Variants in INTU observed in about 807,000 individuals in gnomAD.
INTU encodes the protein inturned planar cell polarity protein.
Under a neutral mutation model 100.5 loss-of-function variants are expected in INTU, and 68 were observed. The observed-to-expected ratio is 0.68, with a 90% CI of 0.56 to 0.83. The LOEUF (loss-of-function observed/expected upper bound fraction) is 0.83. Among genes scored for constraint, INTU ranks in the 40% least tolerant of loss-of-function variants. The pLI is 0.00. For missense variants in INTU, 1,071 were observed against 1,114.7 expected (o/e 0.96, Z 0.56); for synonymous variants, 357 against 395.7 (o/e 0.90, Z 1.16).
At chr4:127,710,405 T>C (rs1177314752) in intron 13 of INTU, among the ~76,000 whole-genome samples, 1 of 152,092 alleles carries the variant, frequency 6.6e-6, no homozygotes, top group African/African-American at 2.4e-5. Context: ...TCCTACCCAT[T>C]CTGCATTCCA....
chr4:127,688,843 C>T (rs1219705971), intron 8 of INTU, among the ~76,000 whole-genome samples: 1 of 151,972 alleles, frequency 6.6e-6, no homozygotes, highest in African/African-American at 2.4e-5. Flanking sequence ...GGTGTTAGAG[C>T]ATGTTCAAAA....
chr4:127,708,928 T>G (rs1730989366), intron 13 of INTU, among the ~76,000 whole-genome samples: 1 of 152,176 alleles, frequency 6.6e-6, no homozygotes, highest in Non-Finnish European at 1.5e-5. Context: ...GTAACCTCCC[T>G]TTTGTATATT....
intron 2 of INTU, among the ~76,000 whole-genome samples, chr4:127,649,503 C>T (rs1727736720): frequency 6.6e-6 from 1 of 151,502 alleles, no homozygotes; most frequent in African/African-American, 2.4e-5. Flanking sequence ...ACCAGAAGTG[C>T]TTCCAATTTT....
In INTU at chr4:127,724,090, G is replaced by A. The variant is rs1213908627; in HGVS notation, c.*7654G>A. The A allele has an allele frequency of 6.6e-6, 1 of 151,938 alleles. No homozygotes were observed. Among genetic ancestry groups the A allele is most frequent in the Non-Finnish European group, 1.5e-5 (1 of 67,994 alleles). 9.4% of individuals were successfully genotyped at this position (151,938 alleles called of 1,614,324 possible). A position where few individuals can be genotyped will look rare whatever the true frequency, so the allele number is the denominator to read the frequency against. On this transcript the variant is annotated 3_prime_UTR_variant, in exon 16 of 16. Transcript: ENST00000335251. The stretch of plus-strand genomic sequence containing the variant: ...AAATCATGTTAAAGACACTGAAAAA[G>A]TTAACTAAAATTCTATGGTGACTTC...
chr4:127,698,046 G>A (rs1054093968), intron 8 of INTU, among the ~76,000 whole-genome samples: 1 of 152,190 alleles, frequency 6.6e-6, no homozygotes, highest in Non-Finnish European at 1.5e-5. Flanking sequence ...CTTGAACCTG[G>A]GAGGCGGAGG....
rs78533643 is a variant in INTU at position 127,697,355 on chromosome 4, G to T, written c.1450-2655G>T. On this transcript the variant is annotated intron_variant, in intron 8 of 15. Transcript: ENST00000335251. ...CCATCCCCAGGCAATCATTTGCATA[G>T]TTTTCATTTCTGTAAGCTTACCTGT... Among the ~76,000 whole-genome samples the T allele has an allele frequency of 5.2e-3, 785 of 152,034 alleles. 9 individuals carry two copies. Among genetic ancestry groups the T allele is most frequent in the African/African-American group, 0.018 (756 of 41,468 alleles).
At chr4:127,687,608 C>G in intron 7 of INTU, 70 bp from the exon 8 acceptor site, 1 of 1,233,012 alleles carries the variant, frequency 8.1e-7, no homozygotes, top group Non-Finnish European at 1.2e-6. Context: ...GATCCAGTTC[C>G]CTTAGGAGCA....
chr4:127,639,792 T>C (rs908196082), intron 1 of INTU, among the ~76,000 whole-genome samples: 1 of 152,162 alleles, frequency 6.6e-6, no homozygotes, highest in African/African-American at 2.4e-5. Context: ...TCCTCTGTTC[T>C]AGTAATTTTG....
intron 6 of INTU, among the ~76,000 whole-genome samples, chr4:127,676,315 G>C (rs747857747): frequency 6.6e-6 from 1 of 152,164 alleles, no homozygotes; most frequent in East Asian, 1.9e-4. Context: ...CAGCCAGGCA[G>C]TGGCTCACAC....
At chr4:127,654,433 C>T (rs1333859094) in intron 2 of INTU, among the ~76,000 whole-genome samples, 1 of 152,154 alleles carries the variant, frequency 6.6e-6, no homozygotes, top group Non-Finnish European at 1.5e-5. Flanking sequence ...GACAAAATCT[C>T]TCAGCATTTG....
chr4:127,685,337 A>G, intron 7 of INTU: 1 of 391,318 alleles, frequency 2.6e-6, no homozygotes, highest in South Asian at 2.0e-5. Flanking sequence ...CCTTAGGAGT[A>G]TATCAGTACA....
intron 13 of INTU, 52 bp from the exon 14 acceptor site, chr4:127,710,861 A>G: frequency 3.4e-6 from 4 of 1,171,036 alleles, no homozygotes; most frequent in Non-Finnish European, 4.6e-6. Context: ...CCAATATTTT[A>G]AAATTTACTA....
intron 7 of INTU, chr4:127,685,620 A>G: frequency 3.3e-6 from 1 of 301,814 alleles, no homozygotes; most frequent in South Asian, 2.9e-5. Context: ...ACCTTTTACT[A>G]GTAAGGAAAG....
At chr4:127,655,884 GC>G (rs1256467798) in intron 2 of INTU, among the ~76,000 whole-genome samples, 4 of 152,218 alleles carry the variant, frequency 2.6e-5, no homozygotes, top group Admixed American at 2.6e-4. Flanking sequence ...GACTCCGTGG[GC>G]GTAGGACCCT....
intron 6 of INTU, 125 bp from the exon 7 acceptor site, chr4:127,684,284 T>C (rs1729713935): frequency 1.2e-5 from 7 of 605,972 alleles, no homozygotes; most frequent in Middle Eastern, 4.3e-4. Context: ...TGTACAGCTT[T>C]ACTCAGAGTT....
rs569951332 is a variant in INTU at position 127,679,046 on chromosome 4, G to T, written c.1181+4833G>T. On this transcript the variant is annotated intron_variant, in intron 6 of 15. Coordinates refer to ENST00000335251, the MANE Select transcript of INTU (RefSeq NM_015693.4). ...GGTAAAGGGATCAATTCAACAAGAA[G>T]AGCTAACTATCCTAAATATATATGC... 1.7e-3 allele frequency among the ~76,000 whole-genome samples: 262 copies of T among 152,124 alleles called. 1 individual carries two copies. Among genetic ancestry groups the T allele is most frequent in the African/African-American group, 5.8e-3 (242 of 41,500 alleles).
intron 2 of INTU, 120 bp from the exon 3 acceptor site, chr4:127,656,516 T>C (rs1432490116): frequency 6.1e-6 from 4 of 656,778 alleles, no homozygotes; most frequent in Non-Finnish European, 1.1e-5. Context: ...CCTGCTTGTC[T>C]GCACCAGATT....
chr4:127,662,767 A>G (rs893871018), intron 3 of INTU, among the ~76,000 whole-genome samples: 1 of 152,184 alleles, frequency 6.6e-6, no homozygotes, highest in African/African-American at 2.4e-5. Context: ...ACATCAGGCC[A>G]TGAAATTAAA....
intron 10 of INTU, among the ~76,000 whole-genome samples, chr4:127,705,194 T>A (rs1470577887): frequency 6.6e-6 from 1 of 152,222 alleles, no homozygotes; most frequent in African/African-American, 2.4e-5. Context: ...CTTTTATTTT[T>A]AAAAAAGGAT....
Sources: gnomAD v4.1 joint callset for allele counts (sites outside exome capture counted in the v4.1 genomes callset) on GRCh38, gnomAD v4.1.1 for gene constraint, MANE v1.5 for transcripts, NCBI Gene and HGNC (gene_info 2026-07-23, HGNC 2026-07-21) for gene names.